LRRFIP1: variants seen among roughly 807,000 people sequenced by gnomAD.
LRRFIP1 encodes LRR binding FLII interacting protein 1.
LRRFIP1 carries 62 observed loss-of-function variants against 104.4 expected under a neutral mutation model. The observed-to-expected ratio is 0.59, with a 90% CI of 0.48 to 0.73. LRRFIP1 has a LOEUF of 0.73. Among genes scored for constraint, LRRFIP1 ranks in the 30% least tolerant of loss-of-function variants. The pLI is 0.00. For missense variants in LRRFIP1, 796 were observed against 824.5 expected, an observed-to-expected ratio of 0.97 and a Z score of 0.42; for synonymous variants, 300 against 299.0, an observed-to-expected ratio of 1.00 and a Z score of -0.03.
At chr2:237,756,654 G>A (rs2059297530) in intron 16 of LRRFIP1, among the ~76,000 whole-genome samples, 1 of 152,104 alleles carries the variant, frequency 6.6e-6, no homozygotes, top group Non-Finnish European at 1.5e-5. Context: ...GAGAGTTTAG[G>A]CTAACTCTCC....
At chr2:237,721,400 A>T (rs1184491229) in intron 6 of LRRFIP1, 1 of 152,284 alleles carries the variant, frequency 6.6e-6, no homozygotes. Flanking sequence ...ACAAATATGG[A>T]CTTTTCCTTA....
At chr2:237,710,922 G>A (rs1444080776) in intron 2 of LRRFIP1, among the ~76,000 whole-genome samples, 1 of 152,064 alleles carries the variant, frequency 6.6e-6, no homozygotes, top group African/African-American at 2.4e-5. Flanking sequence ...TAAGCCAGGC[G>A]TGGTGGCATG....
chr2:237,760,314 C>T (rs1471459237), intron 19 of LRRFIP1, 109 bp downstream of exon 19: 6 of 1,223,146 alleles, frequency 4.9e-6, no homozygotes, highest in Non-Finnish European at 6.8e-6. Flanking sequence ...TAACAGTCAC[C>T]AGCATGCCAT....
intron 1 of LRRFIP1, among the ~76,000 whole-genome samples, chr2:237,676,296 A>G (rs189537303): frequency 6.6e-6 from 1 of 152,286 alleles, no homozygotes; most frequent in Admixed American, 6.5e-5. Context: ...ACTTTAATGC[A>G]AGCAGTATTG....
chr2:237,686,404 G>T (rs2092372522), intron 1 of LRRFIP1, among the ~76,000 whole-genome samples: 1 of 152,202 alleles, frequency 6.6e-6, no homozygotes, highest in African/African-American at 2.4e-5. Flanking sequence ...ATTCCCAATT[G>T]CTACAGAAGT....
At chr2:237,761,246 C>G (rs999789295) in intron 19 of LRRFIP1, among the ~76,000 whole-genome samples, 2 of 152,290 alleles carry the variant, frequency 1.3e-5, no homozygotes, top group African/African-American at 4.8e-5. Context: ...AAAGTTGTGG[C>G]CTAGTGCAGT....
chr2:237,737,372 A>T (rs1451164992), intron 10 of LRRFIP1, among the ~76,000 whole-genome samples: 1 of 152,148 alleles, frequency 6.6e-6, no homozygotes, highest in Non-Finnish European at 1.5e-5. Context: ...CCAACAAGAG[A>T]TGGAGCCATG....
chr2:237,720,339 G>T (rs576957866), intron 5 of LRRFIP1, among the ~76,000 whole-genome samples: 1 of 151,818 alleles, frequency 6.6e-6, no homozygotes, highest in Non-Finnish European at 1.5e-5. Flanking sequence ...TGTCTGCCTC[G>T]TGGGTCCAAG....
chr2:237,750,068 G>A (rs2058388557), intron 13 of LRRFIP1, among the ~76,000 whole-genome samples: 1 of 152,120 alleles, frequency 6.6e-6, no homozygotes, highest in Non-Finnish European at 1.5e-5. Context: ...ATTTTCTAGT[G>A]CTTTAAACTA....
At chr2:237,757,932 C>G (rs577374237) in intron 17 of LRRFIP1, among the ~76,000 whole-genome samples, 2 of 151,496 alleles carry the variant, frequency 1.3e-5, no homozygotes, top group Non-Finnish European at 2.9e-5. Context: ...GAAAAAAAAT[C>G]TAAGCACCAC....
At chr2:237,627,874 C>A in intron 1 of LRRFIP1, 134 bp downstream of exon 1, 1 of 494,670 alleles carries the variant, frequency 2.0e-6, no homozygotes, top group Non-Finnish European at 3.0e-6. Context: ...GCGGGTGGGC[C>A]GGGCAGGCGC....
intron 1 of LRRFIP1, among the ~76,000 whole-genome samples, chr2:237,674,693 G>T (rs2090870397): frequency 6.6e-6 from 1 of 152,208 alleles, no homozygotes; most frequent in South Asian, 2.1e-4. Flanking sequence ...GGAATAAAAG[G>T]GTAGCATTAC....
intron 1 of LRRFIP1, 75 bp downstream of exon 1, chr2:237,627,815 C>A: frequency 1.0e-6 from 1 of 956,762 alleles, no homozygotes; most frequent in Non-Finnish European, 1.3e-6. Flanking sequence ...GTCTCTCCGG[C>A]GTCCGTCTGT....
chr2:237,757,953 T>C (rs2059446763), intron 17 of LRRFIP1, among the ~76,000 whole-genome samples: 1 of 151,830 alleles, frequency 6.6e-6, no homozygotes, highest in African/African-American at 2.4e-5. Flanking sequence ...CAGGCAGATA[T>C]CCCCACTTTG....
At chr2:237,734,304 A>C (rs2095156311) in intron 9 of LRRFIP1, among the ~76,000 whole-genome samples, 1 of 124,530 alleles carries the variant, frequency 8.0e-6, no homozygotes, top group Non-Finnish European at 1.6e-5. Context: ...TTTTGGAGAC[A>C]GAATCTCCCT....
intron 1 of LRRFIP1, among the ~76,000 whole-genome samples, chr2:237,657,712 G>T (rs997117068): frequency 6.6e-6 from 1 of 152,146 alleles, no homozygotes; most frequent in Non-Finnish European, 1.5e-5. Context: ...TCCCTAGAAG[G>T]ATATGTAAAA....
At chr2:237,742,638 C>G (rs1287593244) in intron 11 of LRRFIP1, among the ~76,000 whole-genome samples, 1 of 152,200 alleles carries the variant, frequency 6.6e-6, no homozygotes, top group Non-Finnish European at 1.5e-5. Context: ...TGTTTTCTGT[C>G]TTGGGACATT....
intron 19 of LRRFIP1, chr2:237,762,937 C>G (rs1371064474): frequency 6.2e-7 from 1 of 1,614,074 alleles, no homozygotes; most frequent in Non-Finnish European, 8.5e-7. Flanking sequence ...TTGAGCCATC[C>G]AACTGTTGGA....
intron 1 of LRRFIP1, among the ~76,000 whole-genome samples, chr2:237,668,345 G>A (rs2089817044): frequency 6.6e-6 from 1 of 152,070 alleles, no homozygotes; most frequent in Non-Finnish European, 1.5e-5. Context: ...ACAAGGCCCC[G>A]TCACAGCTGT....
Sources: allele counts gnomAD v4.1 joint callset (sites outside exome capture counted in the v4.1 genomes callset), GRCh38; gene constraint gnomAD v4.1.1; transcripts MANE v1.5; gene names NCBI Gene and HGNC (gene_info 2026-07-23, HGNC 2026-07-21).